The following NSF variants were observed in gnomAD, a reference collection of about 807,000 sequenced individuals.
NSF encodes the protein N-ethylmaleimide sensitive factor, vesicle fusing ATPase.
In NSF, 14 loss-of-function variants were observed where a neutral mutation model predicts 50.3. The ratio of observed to expected loss-of-function variants is 0.28; its 90% CI spans 0.18 to 0.44. The LOEUF (loss-of-function observed/expected upper bound fraction) is 0.44, where lower values mean the gene tolerates loss of function less well. Among genes scored for constraint, NSF ranks in the 20% least tolerant of loss-of-function variants. The probability of loss-of-function intolerance (pLI) is 1.00; values close to 1 mark genes in which losing one functional copy is unlikely to be tolerated. For synonymous variants in NSF, 109 were observed against 175.7 expected, an observed-to-expected ratio of 0.62 and a Z score of 3.00; for missense variants, 218 against 504.3, an observed-to-expected ratio of 0.43 and a Z score of 5.44.
intron 9 of NSF, among the ~76,000 whole-genome samples, chr17:46,684,576 A>G (rs1427703282): frequency 1.3e-5 from 2 of 152,144 alleles, no homozygotes; most frequent in East Asian, 1.9e-4. Context: ...GGAACAGAAC[A>G]GAGGCCTCAG....
At chr17:46,711,528 G>A (rs1464786624) in intron 14 of NSF, among the ~76,000 whole-genome samples, 1 of 152,128 alleles carries the variant, frequency 6.6e-6, no homozygotes, top group Admixed American at 6.5e-5. Context: ...TCCTGACTAC[G>A]GTGTATGTGT....
intron 15 of NSF, among the ~76,000 whole-genome samples, chr17:46,724,718 C>T (rs556228346): frequency 1.9e-4 from 29 of 152,292 alleles, no homozygotes; most frequent in Admixed American, 4.6e-4. Flanking sequence ...ATTTATTATC[C>T]TCTGCAGTGC....
At chr17:46,731,469 T>C (rs1364075608) in intron 17 of NSF, among the ~76,000 whole-genome samples, 1 of 152,162 alleles carries the variant, frequency 6.6e-6, no homozygotes, top group Admixed American at 6.6e-5. Context: ...TTGTACACTT[T>C]AAATGGGTAA....
In NSF at chr17:46,754,785, T is replaced by C. The variant is rs184418503; in HGVS notation, c.2158-529T>C. Among the ~76,000 whole-genome samples the C allele has an allele frequency of 3.7e-3, 559 of 152,356 alleles. 18 individuals carry two copies. Among genetic ancestry groups the C allele is most frequent in the Admixed American group, 0.034 (528 of 15,306 alleles). Reference sequence around the variant, plus strand: ...CAGGAATCAGCAGTACTCTTCATTTTTTTAGTTTTAGCACAACTTTGTTAC... The same window carrying C: ...CAGGAATCAGCAGTACTCTTCATTTCTTTAGTTTTAGCACAACTTTGTTAC... On this transcript the variant is annotated intron_variant, in intron 19 of 20. Transcript: ENST00000398238.
At chr17:46,727,829 T>A (rs1598720818) in intron 16 of NSF, among the ~76,000 whole-genome samples, 1 of 152,166 alleles carries the variant, frequency 6.6e-6, no homozygotes, top group Admixed American at 6.5e-5. Context: ...GTATGAATAG[T>A]TATCATCTGT....
chr17:46,723,135 A>G (rs960933484), intron 15 of NSF, among the ~76,000 whole-genome samples: 3 of 152,214 alleles, frequency 2.0e-5, no homozygotes, highest in African/African-American at 7.2e-5. Flanking sequence ...AGACCTAAGC[A>G]ATGTCCTGAG....
chr17:46,731,946 A>T (rs2058953354), intron 17 of NSF, among the ~76,000 whole-genome samples: 1 of 152,226 alleles, frequency 6.6e-6, no homozygotes, highest in Non-Finnish European at 1.5e-5. Context: ...CAAGAAAATA[A>T]GGGGAAATTT....
chr17:46,625,914 G>T (rs1370952921), intron 2 of NSF, among the ~76,000 whole-genome samples: 1 of 135,100 alleles, frequency 7.4e-6, no homozygotes, highest in Admixed American at 7.4e-5. Context: ...AGATACTGCT[G>T]CTGCATAACA....
intron 4 of NSF, among the ~76,000 whole-genome samples, chr17:46,631,105 C>CAT (rs1555668623): frequency 2.5e-4 from 37 of 145,472 alleles, no homozygotes; most frequent in African/African-American, 7.2e-4. Flanking sequence ...CACACACACA[C>CAT]ATCTTTTATC....
intron 15 of NSF, among the ~76,000 whole-genome samples, chr17:46,720,635 T>C (rs2058820303): frequency 6.6e-6 from 1 of 152,230 alleles, no homozygotes. Context: ...CGTTTTTATA[T>C]GCTACCAAAT....
intron 17 of NSF, among the ~76,000 whole-genome samples, chr17:46,740,469 C>G (rs542447545): frequency 6.6e-6 from 1 of 151,982 alleles, no homozygotes; most frequent in South Asian, 2.1e-4. Flanking sequence ...ACACAGGGGT[C>G]AATTTAGGGT....
intron 18 of NSF, among the ~76,000 whole-genome samples, chr17:46,750,187 T>C (rs1264287428): frequency 6.6e-6 from 1 of 152,120 alleles, no homozygotes; most frequent in African/African-American, 2.4e-5. Flanking sequence ...ACCCTGTCTC[T>C]ACTAAAAATA....
In NSF at chr17:46,721,756, G is replaced by C. The variant is rs942828967; in HGVS notation, c.1762-4793G>C. 2.0e-5 allele frequency: 32 copies of C among 1,602,910 alleles called. 1 individual carries two copies. In the Admixed American group the frequency reaches 4.5e-4, roughly 23 times the overall value. On this transcript the variant is annotated intron_variant, in intron 15 of 20. Transcript: ENST00000398238. ...CGGGGATTCTCTTGCCCACAATTTC[G>C]CTTGGGAAGACCAAGTCCTCAAGGA...
chr17:46,622,034 T>C (rs1173647687), intron 1 of NSF, among the ~76,000 whole-genome samples: 1 of 134,774 alleles, frequency 7.4e-6, no homozygotes. Flanking sequence ...ACTTTAGACA[T>C]AGGTGGAAAA....
chr17:46,753,822 G>A (rs556603118), intron 19 of NSF, among the ~76,000 whole-genome samples: 41 of 152,262 alleles, frequency 2.7e-4, no homozygotes, highest in Non-Finnish European at 4.7e-4. Flanking sequence ...AATGGATTTC[G>A]TGCAGCTGAG....
In NSF at chr17:46,635,818, T is replaced by TGC. The variant is rs1555669136; in HGVS notation, c.239-1557_239-1556dup. Among the ~76,000 whole-genome samples, 319 of 138,454 alleles carry TGC rather than the reference T, an allele frequency of 2.3e-3. 19 individuals carry two copies. The highest frequency in any genetic ancestry group is 8.1e-3 in the African/African-American group (307 of 37,700). 90.8% of individuals were successfully genotyped at this position (138,454 alleles called of 152,430 possible). Reference sequence around the variant, plus strand: ...GTGTGTGTGTGTGTGTGTGTGTGTGTGCTCGTGTGTGAAGCCTTATTGAAG... The same window carrying TGC: ...GTGTGTGTGTGTGTGTGTGTGTGTGTGCGCTCGTGTGTGAAGCCTTATTGAAG... On this transcript the variant is annotated intron_variant, in intron 4 of 20. Coordinates refer to ENST00000398238, the MANE Select transcript of NSF (RefSeq NM_006178.4).
At chr17:46,716,959 A>C (rs1293017354) in intron 15 of NSF, among the ~76,000 whole-genome samples, 1 of 152,230 alleles carries the variant, frequency 6.6e-6, no homozygotes. Context: ...ATATCTGAAC[A>C]ATCCCTTTTT....
chr17:46,619,766 C>A (rs1598644798), intron 1 of NSF, among the ~76,000 whole-genome samples: 2 of 27,914 alleles, frequency 7.2e-5, no homozygotes, highest in Non-Finnish European at 6.6e-5. Flanking sequence ...AGCAAGACTC[C>A]ATCTAAAAAA....
chr17:46,737,585 G>T (rs1161889860), intron 17 of NSF, among the ~76,000 whole-genome samples: 1 of 151,290 alleles, frequency 6.6e-6, no homozygotes, highest in African/African-American at 2.4e-5. Context: ...GTGTGTGTGT[G>T]TGTGTGTGTG....
Sources: allele counts gnomAD v4.1 joint callset (sites outside exome capture counted in the v4.1 genomes callset), GRCh38; gene constraint gnomAD v4.1.1; transcripts MANE v1.5; gene names NCBI Gene and HGNC (gene_info 2026-07-23, HGNC 2026-07-21).